PPP2R3A: variants seen among roughly 807,000 people sequenced by gnomAD.
PPP2R3A encodes serine/threonine-protein phosphatase 2A regulatory subunit B'' subunit alpha.
In PPP2R3A, 80 loss-of-function variants were observed where a neutral mutation model predicts 106.9. That is an observed-to-expected ratio of 0.75 (90% CI 0.62 to 0.90). The LOEUF (loss-of-function observed/expected upper bound fraction) is 0.90, where lower values mean the gene tolerates loss of function less well. PPP2R3A is among the 40% of genes least tolerant of loss of function. The pLI is 0.00. For missense variants in PPP2R3A, 1,386 were observed against 1,350.4 expected (o/e 1.03, Z -0.41); for synonymous variants, 483 against 468.3 (o/e 1.03, Z -0.41).
chr3:136,090,245 C>T (rs1365969161), intron 9 of PPP2R3A, among the ~76,000 whole-genome samples: 4 of 152,064 alleles, frequency 2.6e-5, no homozygotes, highest in Non-Finnish European at 4.4e-5. Context: ...TTTGTCATAA[C>T]GGCTCTTATT....
intron 7 of PPP2R3A, among the ~76,000 whole-genome samples, chr3:136,080,141 A>G (rs757305864): frequency 6.6e-6 from 1 of 152,126 alleles, no homozygotes; most frequent in Non-Finnish European, 1.5e-5. Context: ...GGTTCATACT[A>G]TTCTCTTAAC....
At chr3:135,983,199 T>C (rs1451860246) in intron 1 of PPP2R3A, among the ~76,000 whole-genome samples, 1 of 152,218 alleles carries the variant, frequency 6.6e-6, no homozygotes, top group Non-Finnish European at 1.5e-5. Flanking sequence ...CTTACAGATA[T>C]TTCCACTGGG....
At chr3:136,055,264 A>T (rs1465752778) in intron 5 of PPP2R3A, 1 of 847,582 alleles carries the variant, frequency 1.2e-6, no homozygotes, top group Non-Finnish European at 2.0e-6. Flanking sequence ...AACATGAAGT[A>T]CAAATGGATC....
chr3:136,042,634 G>A (rs1163544564), intron 4 of PPP2R3A, among the ~76,000 whole-genome samples: 2 of 152,178 alleles, frequency 1.3e-5, no homozygotes, highest in Non-Finnish European at 2.9e-5. Flanking sequence ...AAAAAGCGGG[G>A]GAAAGACATG....
At chr3:136,108,044 C>T (rs939694001) in intron 13 of PPP2R3A, among the ~76,000 whole-genome samples, 1 of 152,142 alleles carries the variant, frequency 6.6e-6, no homozygotes, top group Non-Finnish European at 1.5e-5. Context: ...GAAACCCCAT[C>T]TCTACAAAAA....
At position 136,001,920 on chromosome 3, in the gene PPP2R3A, G is replaced by C; in HGVS notation, c.422G>C (p.Arg141Thr). ...KLKNSNHAAY[R>T]KGRKVKSDSF... ...AAAAACTCTAACCATGCAGCTTACA[G>C]AAAGGGAAGGAAAGTTAAGTCTGAC... The change falls in exon 2 of 14, where the codon AGA becomes ACA. Residue 141 changes from arginine to threonine, a missense_variant. Arg to Thr is a moderately conservative substitution (Grantham distance 71). Coordinates refer to ENST00000264977, the MANE Select transcript of PPP2R3A (RefSeq NM_002718.5). 6.2e-7 allele frequency: 1 copy of C among 1,614,162 alleles called. No homozygotes were observed. The highest frequency in any genetic ancestry group is 8.5e-7 in the Non-Finnish European group (1 of 1,180,024).
intron 1 of PPP2R3A, among the ~76,000 whole-genome samples, chr3:135,967,988 C>A (rs1474789905): frequency 6.6e-6 from 1 of 152,306 alleles, no homozygotes; most frequent in African/African-American, 2.4e-5. Flanking sequence ...ACAGACATCG[C>A]AAATGTCCCC....
chr3:136,144,584 C>CT, intron 13 of PPP2R3A, among the ~76,000 whole-genome samples: 1 of 151,904 alleles, frequency 6.6e-6, no homozygotes, highest in South Asian at 2.1e-4. Context: ...TCGCCTGAAC[C>CT]TGGGAGGCAG....
intron 13 of PPP2R3A, among the ~76,000 whole-genome samples, chr3:136,135,736 C>T (rs757271691): frequency 5.9e-5 from 9 of 152,076 alleles, no homozygotes; most frequent in Non-Finnish European, 1.2e-4. Flanking sequence ...GCTATTACTA[C>T]TCCATATAGG....
At chr3:136,139,464 G>T (rs937866959) in intron 13 of PPP2R3A, among the ~76,000 whole-genome samples, 3 of 149,878 alleles carry the variant, frequency 2.0e-5, no homozygotes, top group African/African-American at 5.0e-5. Context: ...GGGAGGCCGA[G>T]GGGGGGGATC....
At chr3:136,011,349 T>C (rs1399383075) in intron 2 of PPP2R3A, among the ~76,000 whole-genome samples, 1 of 152,228 alleles carries the variant, frequency 6.6e-6, no homozygotes, top group Admixed American at 6.5e-5. Flanking sequence ...TTACATTCAC[T>C]GCTATATCCC....
intron 13 of PPP2R3A, among the ~76,000 whole-genome samples, chr3:136,111,563 C>T (rs918908563): frequency 6.6e-6 from 1 of 151,998 alleles, no homozygotes; most frequent in African/African-American, 2.4e-5. Context: ...TTGATAAATT[C>T]CTGAAAACAT....
intron 2 of PPP2R3A, among the ~76,000 whole-genome samples, chr3:136,022,227 T>C (rs888570543): frequency 4.6e-5 from 7 of 152,200 alleles, no homozygotes; most frequent in African/African-American, 1.7e-4. Context: ...CTTGCTTATA[T>C]GTATCTAAAA....
chr3:136,004,025 G>A (rs1415136012), intron 2 of PPP2R3A, among the ~76,000 whole-genome samples: 1 of 152,152 alleles, frequency 6.6e-6, no homozygotes. Flanking sequence ...GACAATGTCT[G>A]AAACAGTTCA....
intron 3 of PPP2R3A, among the ~76,000 whole-genome samples, chr3:136,033,495 G>A (rs542954846): frequency 2.0e-5 from 3 of 152,212 alleles, no homozygotes; most frequent in Non-Finnish European, 2.9e-5. Context: ...GGTAGAATTC[G>A]GCTGTGAATC....
At chr3:136,064,330 C>G (rs536662812) in intron 5 of PPP2R3A, among the ~76,000 whole-genome samples, 1 of 151,396 alleles carries the variant, frequency 6.6e-6, no homozygotes, top group Non-Finnish European at 1.5e-5. Context: ...TGACGAGTTA[C>G]TGGGTGCAGC....
intron 1 of PPP2R3A, among the ~76,000 whole-genome samples, chr3:135,969,211 G>A (rs531039367): frequency 6.6e-6 from 1 of 152,342 alleles, no homozygotes; most frequent in East Asian, 1.9e-4. Flanking sequence ...ACAAGATTGA[G>A]TGTGGGAGAC....
intron 2 of PPP2R3A, among the ~76,000 whole-genome samples, chr3:136,010,939 A>C (rs1934047979): frequency 6.6e-6 from 1 of 152,126 alleles, no homozygotes; most frequent in Non-Finnish European, 1.5e-5. Flanking sequence ...CCAACATACC[A>C]GTTGAGTTAA....
intron 3 of PPP2R3A, among the ~76,000 whole-genome samples, chr3:136,033,485 G>A (rs1193790992): frequency 6.6e-6 from 1 of 152,134 alleles, no homozygotes; most frequent in African/African-American, 2.4e-5. Flanking sequence ...TTGAATGTCT[G>A]GTAGAATTCG....
Sources: allele counts gnomAD v4.1 joint callset (sites outside exome capture counted in the v4.1 genomes callset), GRCh38; gene constraint gnomAD v4.1.1; transcripts MANE v1.5; gene names NCBI Gene and HGNC (gene_info 2026-07-23, HGNC 2026-07-21).